AGBL4: variants seen among roughly 807,000 people sequenced by gnomAD.
AGBL4 encodes the protein cytosolic carboxypeptidase 6.
AGBL4 carries 58 observed loss-of-function variants against 66.4 expected under a neutral mutation model. That is an observed-to-expected ratio of 0.87 (90% CI 0.71 to 1.09). AGBL4 has a LOEUF of 1.09. Ranked by LOEUF, AGBL4 falls within the 50% of genes least tolerant of loss-of-function variation. The pLI is 0.00. For missense variants in AGBL4, 579 were observed against 631.0 expected (o/e 0.92, Z 0.88); for synonymous variants, 234 against 222.9 (o/e 1.05, Z -0.44).
chr1:49,539,676 G>C (rs973860005), intron 3 of AGBL4, among the ~76,000 whole-genome samples: 1 of 152,164 alleles, frequency 6.6e-6, no homozygotes, highest in Non-Finnish European at 1.5e-5. Flanking sequence ...CTTAAAAAGA[G>C]TTATGACTTT....
At chr1:49,605,232 T>A (rs2124193178) in intron 3 of AGBL4, among the ~76,000 whole-genome samples, 1 of 152,222 alleles carries the variant, frequency 6.6e-6, no homozygotes, top group Admixed American at 6.6e-5. Flanking sequence ...AGTCAAATGG[T>A]AAGAGAATAA....
intron 2 of AGBL4, among the ~76,000 whole-genome samples, chr1:49,717,634 A>G (rs1163422206): frequency 2.0e-5 from 3 of 152,060 alleles, no homozygotes; most frequent in Non-Finnish European, 4.4e-5. Context: ...ATATTATTAA[A>G]ATTACTTATT....
chr1:48,591,664 T>C (rs1053013060), intron 9 of AGBL4, among the ~76,000 whole-genome samples: 2 of 152,228 alleles, frequency 1.3e-5, no homozygotes, highest in African/African-American at 4.8e-5. Context: ...TTCTTGGAAC[T>C]TTACATATAG....
intron 4 of AGBL4, among the ~76,000 whole-genome samples, chr1:49,093,595 A>G (rs1263444127): frequency 6.6e-6 from 1 of 152,194 alleles, no homozygotes; most frequent in Non-Finnish European, 1.5e-5. Context: ...TTATGTTCAC[A>G]TTGTGTGATT....
chr1:48,781,453 G>A (rs1052454078), intron 6 of AGBL4, among the ~76,000 whole-genome samples: 12 of 152,214 alleles, frequency 7.9e-5, no homozygotes, highest in Admixed American at 4.6e-4. Flanking sequence ...TTGACCTGGA[G>A]ACCATAGCCC....
rs571338304 is a variant in AGBL4 at position 48,983,209 on chromosome 1, A to C, written c.594+62375T>G. On this transcript the variant is annotated intron_variant, in intron 5 of 13. Coordinates refer to ENST00000371839, the MANE Select transcript of AGBL4 (RefSeq NM_032785.4). ...AAGAACATTCTAATACTTAAAAAAAACCCTAAAATTCCATTTAATGTTGCC... is the reference window on the plus strand; with the variant it reads ...AAGAACATTCTAATACTTAAAAAAACCCCTAAAATTCCATTTAATGTTGCC... Among the ~76,000 whole-genome samples, 44 of 152,240 alleles carry C rather than the reference A, an allele frequency of 2.9e-4. No homozygotes were observed. In the South Asian group the frequency reaches 3.5e-3, roughly 12 times the overall value.
chr1:49,672,191 G>C (rs999593949), intron 3 of AGBL4, among the ~76,000 whole-genome samples: 4 of 152,134 alleles, frequency 2.6e-5, no homozygotes, highest in African/African-American at 9.7e-5. Context: ...GCAAGAACAT[G>C]GATGGAGTGG....
At chr1:49,817,076 G>T (rs1036688816) in intron 2 of AGBL4, among the ~76,000 whole-genome samples, 1 of 152,092 alleles carries the variant, frequency 6.6e-6, no homozygotes, top group African/African-American at 2.4e-5. Context: ...TATACACAAT[G>T]ACCACCTTCT....
At chr1:48,627,047 C>T (rs182662898) in intron 9 of AGBL4, among the ~76,000 whole-genome samples, 123 of 152,162 alleles carry the variant, frequency 8.1e-4, no homozygotes, top group African/African-American at 2.8e-3. Flanking sequence ...TTACCCCTCA[C>T]CCTCCACAAA....
intron 1 of AGBL4, among the ~76,000 whole-genome samples, chr1:49,912,040 T>C (rs1650890108): frequency 6.6e-6 from 1 of 152,192 alleles, no homozygotes; most frequent in Non-Finnish European, 1.5e-5. Flanking sequence ...TTGGTTCTTC[T>C]TGCTGTGGTT....
At chr1:49,266,136 C>T (rs1406997839) in intron 3 of AGBL4, 1 of 152,020 alleles carries the variant, frequency 6.6e-6, no homozygotes, top group African/African-American at 2.4e-5. Context: ...TGTCAATCTT[C>T]ACACAGATAC....
chr1:49,506,490 A>T (rs1300387994), intron 3 of AGBL4, among the ~76,000 whole-genome samples: 1 of 151,924 alleles, frequency 6.6e-6, no homozygotes, highest in Non-Finnish European at 1.5e-5. Flanking sequence ...CATGATAGTG[A>T]ATCAGTCTCA....
rs376847215 is a variant in AGBL4 at position 49,769,770 on chromosome 1, G to A, written c.158-72333C>T. On this transcript the variant is annotated intron_variant, in intron 2 of 13. Transcript: ENST00000371839. ...ACTGGCTATCCATATGCAGATGAAT[G>A]AAACTGATCCCTACCTATCAAGTTA... Among the ~76,000 whole-genome samples the A allele has an allele frequency of 1.4e-3, 211 of 152,284 alleles. 1 individual carries two copies. The highest frequency in any genetic ancestry group is 4.8e-3 in the African/African-American group (198 of 41,580).
intron 1 of AGBL4, among the ~76,000 whole-genome samples, chr1:50,009,377 A>C (rs765902005): frequency 1.3e-5 from 2 of 152,186 alleles, no homozygotes; most frequent in Non-Finnish European, 2.9e-5. Context: ...ATCAATCAAT[A>C]TGATACATCA....
At chr1:49,791,588 C>T (rs1031061114) in intron 2 of AGBL4, among the ~76,000 whole-genome samples, 1 of 152,030 alleles carries the variant, frequency 6.6e-6, no homozygotes, top group Admixed American at 6.6e-5. Flanking sequence ...TTTATAGTTT[C>T]ATCTTTTGCC....
In AGBL4 at chr1:49,491,226, A is replaced by G. The variant is rs139554707; in HGVS notation, c.282+206087T>C. 4.0e-5 allele frequency among the ~76,000 whole-genome samples: 6 copies of G among 151,874 alleles called. No homozygotes were observed. In the East Asian group the frequency reaches 1.2e-3, roughly 29 times the overall value. On this transcript the variant is annotated intron_variant, in intron 3 of 13. Transcript: ENST00000371839. ...AGGGCACACAGTAACATTAGCTTCA[A>G]CTGCTTTACAAGTACCTCCCACATC... is the stretch of plus-strand genomic sequence containing the variant.
intron 3 of AGBL4, among the ~76,000 whole-genome samples, chr1:49,575,121 G>C (rs1402953670): frequency 6.6e-6 from 1 of 152,136 alleles, no homozygotes; most frequent in South Asian, 2.1e-4. Context: ...TGTGCAACTG[G>C]GGAAAGGGAA....
At chr1:48,799,852 T>C (rs1321589348) in intron 6 of AGBL4, among the ~76,000 whole-genome samples, 1 of 152,208 alleles carries the variant, frequency 6.6e-6, no homozygotes, top group African/African-American at 2.4e-5. Context: ...TGAAACCTAC[T>C]TGACCATGAT....
chr1:49,964,658 T>G (rs1211230549), intron 1 of AGBL4, among the ~76,000 whole-genome samples: 1 of 152,150 alleles, frequency 6.6e-6, no homozygotes, highest in Non-Finnish European at 1.5e-5. Flanking sequence ...ACTTAAACAG[T>G]AGATAATTAT....
Sources: gnomAD v4.1 joint callset for allele counts (sites outside exome capture counted in the v4.1 genomes callset) on GRCh38, gnomAD v4.1.1 for gene constraint, MANE v1.5 for transcripts, NCBI Gene and HGNC (gene_info 2026-07-23, HGNC 2026-07-21) for gene names.